PTPRM: variants seen among roughly 807,000 people sequenced by gnomAD.
PTPRM encodes the protein receptor-type tyrosine-protein phosphatase mu.
A neutral mutation model predicts 186.7 loss-of-function variants in PTPRM; 47 were observed. That is an observed-to-expected ratio of 0.25 (90% CI 0.20 to 0.32). The LOEUF (loss-of-function observed/expected upper bound fraction) is 0.32. Ranked by LOEUF, PTPRM falls within the 10% of genes least tolerant of loss-of-function variation. The pLI, the probability that PTPRM is intolerant of heterozygous loss-of-function variation, is 1.00. For synonymous variants in PTPRM, 668 were observed against 674.9 expected, an observed-to-expected ratio of 0.99 and a Z score of 0.16; for missense variants, 1,494 against 1,865.0, an observed-to-expected ratio of 0.80 and a Z score of 3.66.
At chr18:7,889,807 A>G (rs900404638) in intron 3 of PTPRM, among the ~76,000 whole-genome samples, 1 of 152,212 alleles carries the variant, frequency 6.6e-6, no homozygotes, top group Admixed American at 6.5e-5. Context: ...TGTAAGCAAC[A>G]GGAAGAAAGT....
intron 11 of PTPRM, among the ~76,000 whole-genome samples, chr18:8,096,564 T>C (rs978176407): frequency 6.6e-6 from 1 of 152,216 alleles, no homozygotes; most frequent in Non-Finnish European, 1.5e-5. Context: ...TAAATGTTAA[T>C]AGTGGAATAA....
At chr18:7,572,404 C>T (rs1186265193) in intron 1 of PTPRM, among the ~76,000 whole-genome samples, 2 of 152,232 alleles carry the variant, frequency 1.3e-5, no homozygotes, top group Non-Finnish European at 2.9e-5. Flanking sequence ...TTAAGCAATT[C>T]TGTGACAATT....
At chr18:8,311,334 A>T (rs1258925254) in intron 20 of PTPRM, among the ~76,000 whole-genome samples, 1 of 152,022 alleles carries the variant, frequency 6.6e-6, no homozygotes, top group Non-Finnish European at 1.5e-5. Context: ...CCTGAAATTT[A>T]AAAAGGCACT....
At chr18:8,352,703 A>T in intron 23 of PTPRM, among the ~76,000 whole-genome samples, 1 of 137,538 alleles carries the variant, frequency 7.3e-6, no homozygotes. Flanking sequence ...ATGGAGTCTC[A>T]CTCTGTCACC....
intron 2 of PTPRM, among the ~76,000 whole-genome samples, chr18:7,882,809 A>G (rs1319345664): frequency 6.6e-6 from 1 of 152,210 alleles, no homozygotes; most frequent in Non-Finnish European, 1.5e-5. Flanking sequence ...CTAGAGCTCC[A>G]AACACACCAA....
chr18:7,583,965 G>T (rs1278184018), intron 1 of PTPRM, among the ~76,000 whole-genome samples: 1 of 152,122 alleles, frequency 6.6e-6, no homozygotes, highest in Admixed American at 6.5e-5. Flanking sequence ...GCCTTTTGAG[G>T]CTTGACAAAG....
intron 14 of PTPRM, among the ~76,000 whole-genome samples, chr18:8,202,674 G>A (rs1319743791): frequency 6.6e-6 from 1 of 151,670 alleles, no homozygotes; most frequent in Non-Finnish European, 1.5e-5. Context: ...CTTGTAAACT[G>A]TCTACCATCT....
chr18:8,278,505 T>A (rs1355711465), intron 19 of PTPRM, among the ~76,000 whole-genome samples: 1 of 152,202 alleles, frequency 6.6e-6, no homozygotes, highest in East Asian at 1.9e-4. Context: ...CCTTCACTTC[T>A]GATTGAGGGA....
chr18:7,587,353 A>T (rs976720398), intron 1 of PTPRM, among the ~76,000 whole-genome samples: 2 of 151,934 alleles, frequency 1.3e-5, no homozygotes, highest in African/African-American at 4.8e-5. Context: ...ATATAAATAG[A>T]TGGATAGGAT....
chr18:8,265,959 G>A (rs567222318), intron 19 of PTPRM, among the ~76,000 whole-genome samples: 1 of 152,258 alleles, frequency 6.6e-6, no homozygotes. Flanking sequence ...GGAGATCTGT[G>A]TGGGGACATG....
intron 2 of PTPRM, among the ~76,000 whole-genome samples, chr18:7,827,432 C>T (rs1318853088): frequency 6.6e-6 from 1 of 152,226 alleles, no homozygotes; most frequent in Non-Finnish European, 1.5e-5. Flanking sequence ...CACCCCTTCA[C>T]TGTAGCACTC....
intron 23 of PTPRM, among the ~76,000 whole-genome samples, chr18:8,343,797 A>G (rs564740333): frequency 1.3e-5 from 2 of 152,340 alleles, no homozygotes; most frequent in East Asian, 3.9e-4. Flanking sequence ...ACCTCTAAGC[A>G]TGAATGCTGA....
At chr18:7,874,985 G>T (rs2048165335) in intron 2 of PTPRM, among the ~76,000 whole-genome samples, 1 of 152,232 alleles carries the variant, frequency 6.6e-6, no homozygotes, top group South Asian at 2.1e-4. Flanking sequence ...TTGAGGCCAG[G>T]AGTTCGAGAT....
At position 8,055,869 on chromosome 18, in the gene PTPRM, C is replaced by T. The variant is rs1294718922; in HGVS notation, c.1133-13817C>T. On this transcript the variant is annotated intron_variant, in intron 7 of 32. Coordinates refer to ENST00000580170, the MANE Select transcript of PTPRM (RefSeq NM_001105244.2). ...ATTACCTTGAGAACATCATATTTGG[C>T]TTCCCTGCCCCTGGCCCATGGCTTA... 2.0e-5 allele frequency among the ~76,000 whole-genome samples: 3 copies of T among 152,172 alleles called. No individual in the cohort carries two copies. In the East Asian group the frequency reaches 5.8e-4, roughly 29 times the overall value.
At chr18:7,786,446 T>C (rs778669838) in intron 2 of PTPRM, among the ~76,000 whole-genome samples, 1 of 152,232 alleles carries the variant, frequency 6.6e-6, no homozygotes, top group South Asian at 2.1e-4. Context: ...TTCCTTGCTT[T>C]GTATCTTTCC....
chr18:8,175,517 A>G (rs775132479), intron 14 of PTPRM, among the ~76,000 whole-genome samples: 4 of 152,222 alleles, frequency 2.6e-5, no homozygotes, highest in Admixed American at 6.5e-5. Flanking sequence ...TGTCAATGCT[A>G]TAATATAATC....
At chr18:8,250,977 G>T (rs180766644) in intron 17 of PTPRM, among the ~76,000 whole-genome samples, 2 of 152,246 alleles carry the variant, frequency 1.3e-5, no homozygotes, top group East Asian at 3.9e-4. Flanking sequence ...CAGCACACAA[G>T]AAGCCTTCTA....
chr18:8,240,788 GAGAGAGAGAGAGAGAGA>G (rs1568584701), intron 14 of PTPRM, among the ~76,000 whole-genome samples: 16,932 of 75,112 alleles, frequency 0.23, 1,306 homozygotes, highest in Middle Eastern at 0.29. Flanking sequence ...GAGAGAGAGA[GAGAGAGAGAGAGAGAGA>G]GAGAGAGAGA....
chr18:7,583,698 G>C (rs182607379), intron 1 of PTPRM, among the ~76,000 whole-genome samples: 12 of 152,306 alleles, frequency 7.9e-5, no homozygotes, highest in Admixed American at 2.0e-4. Context: ...GCAGAGGAGG[G>C]CAGAATGTTG....
Sources: gnomAD v4.1 joint callset for allele counts (sites outside exome capture counted in the v4.1 genomes callset) on GRCh38, gnomAD v4.1.1 for gene constraint, MANE v1.5 for transcripts, NCBI Gene and HGNC (gene_info 2026-07-23, HGNC 2026-07-21) for gene names.